ARHGAP28: variants seen among roughly 807,000 people sequenced by gnomAD.
ARHGAP28 encodes rho GTPase-activating protein 28.
A neutral mutation model predicts 90.7 loss-of-function variants in ARHGAP28; 56 were observed. The observed-to-expected ratio is 0.62, with a 90% CI of 0.50 to 0.77. The LOEUF (loss-of-function observed/expected upper bound fraction) is 0.77. ARHGAP28 is among the 30% of genes least tolerant of loss of function. The probability of loss-of-function intolerance (pLI) is 0.00; values close to 1 mark genes in which losing one functional copy is unlikely to be tolerated. For synonymous variants in ARHGAP28, 308 were observed against 323.3 expected (o/e 0.95, Z 0.51); for missense variants, 869 against 900.9 (o/e 0.96, Z 0.45).
intron 6 of ARHGAP28, among the ~76,000 whole-genome samples, chr18:6,869,309 G>A (rs1406452646): frequency 7.0e-6 from 1 of 142,314 alleles, no homozygotes; most frequent in Non-Finnish European, 1.5e-5. Context: ...CACTCAGGCT[G>A]GAGTGCAGTA....
intron 16 of ARHGAP28, 188 bp downstream of exon 16, chr18:6,896,814 G>GGAA (rs1215871629): frequency 8.2e-6 from 5 of 612,748 alleles, no homozygotes; most frequent in Non-Finnish European, 1.3e-5. Flanking sequence ...AACAACAAAA[G>GGAA]TTGTTTTTCA....
At chr18:6,753,757 G>A (rs904242424) in intron 1 of ARHGAP28, among the ~76,000 whole-genome samples, 1 of 152,170 alleles carries the variant, frequency 6.6e-6, no homozygotes, top group African/African-American at 2.4e-5. Context: ...TGTATGTTCC[G>A]ATTCTCTAGT....
intron 1 of ARHGAP28, chr18:6,791,697 A>G (rs1195804593): frequency 6.6e-6 from 1 of 152,176 alleles, no homozygotes; most frequent in Non-Finnish European, 1.5e-5. Context: ...AACAAAGTAT[A>G]GTTTTCCCTC....
At chr18:6,841,203 C>CTCTCTCTCTCCTCTCT (rs754874496) in intron 3 of ARHGAP28, among the ~76,000 whole-genome samples, 5 of 41,978 alleles carry the variant, frequency 1.2e-4, no homozygotes, top group Admixed American at 5.7e-4. Context: ...CTCTCTCTCT[C>CTCTCTCTCTCCTCTCT]CTCTCCTCTC....
chr18:6,850,707 C>G (rs1311787616), intron 3 of ARHGAP28: 8 of 960,418 alleles, frequency 8.3e-6, no homozygotes, highest in Non-Finnish European at 1.2e-5. Flanking sequence ...CATGATCACA[C>G]TCAGTCTTTT....
chr18:6,838,316 C>T (rs1395179470), intron 3 of ARHGAP28, among the ~76,000 whole-genome samples: 1 of 152,174 alleles, frequency 6.6e-6, no homozygotes, highest in African/African-American at 2.4e-5. Flanking sequence ...ATTATAGTAT[C>T]AATAATGGCA....
At chr18:6,862,522 T>C (rs1003343980) in intron 5 of ARHGAP28, among the ~76,000 whole-genome samples, 3 of 152,238 alleles carry the variant, frequency 2.0e-5, no homozygotes, top group African/African-American at 7.2e-5. Flanking sequence ...ATGCCAACTT[T>C]ATGAGAAGTA....
chr18:6,777,724 C>CAATGAATG (rs899041714), intron 1 of ARHGAP28, among the ~76,000 whole-genome samples: 4 of 151,326 alleles, frequency 2.6e-5, no homozygotes, highest in East Asian at 2.0e-4. Flanking sequence ...GACCCTGTCT[C>CAATGAATG]AATGAATGAA....
rs149216514 is a variant in ARHGAP28, at chr18:6,882,110, A to C, written c.1291-27A>C. ...GGGTCAGGTGGTAAAAGTGCATTGAATACTGACTGTTTTCCTTGATTTACA... is the reference window on the plus strand; with the variant it reads ...GGGTCAGGTGGTAAAAGTGCATTGACTACTGACTGTTTTCCTTGATTTACA... On this transcript the variant is annotated intron_variant, in intron 10 of 17. Transcript: ENST00000383472. 113 of 1,599,746 alleles carry C rather than the reference A, an allele frequency of 7.1e-5. No individual in the cohort carries two copies. In the African/African-American group the frequency reaches 1.3e-3, roughly 18 times the overall value.
chr18:6,891,841 C>T (rs1392420415), intron 14 of ARHGAP28, among the ~76,000 whole-genome samples: 3 of 152,084 alleles, frequency 2.0e-5, no homozygotes, highest in African/African-American at 7.2e-5. Flanking sequence ...GACCCTTCCA[C>T]TTCGGCCTCC....
chr18:6,752,720 A>G (rs1339238080), intron 1 of ARHGAP28, among the ~76,000 whole-genome samples: 1 of 152,114 alleles, frequency 6.6e-6, no homozygotes, highest in East Asian at 1.9e-4. Flanking sequence ...GCTGTGTGAC[A>G]CAGCAGGCTT....
intron 2 of ARHGAP28, among the ~76,000 whole-genome samples, chr18:6,833,945 T>C (rs2056733900): frequency 6.6e-6 from 1 of 152,078 alleles, no homozygotes; most frequent in East Asian, 1.9e-4. Context: ...AGTTAGGGAA[T>C]ATATATGGAG....
In ARHGAP28 at chr18:6,870,696, G is replaced by A; in HGVS notation, c.918G>A (p.Lys306=). The A allele has an allele frequency of 6.2e-7, 1 of 1,610,538 alleles. No individual in the cohort carries two copies. The highest frequency in any genetic ancestry group is 8.5e-7 in the Non-Finnish European group (1 of 1,178,756). ...VTEALKRNKL[K]KSEIKKEDYV... Reference sequence around the variant, plus strand: ...AGGCTCTAAAAAGAAATAAACTTAAGAAATCAGAGATTAAGAAAGAAGACT... The same window carrying A: ...AGGCTCTAAAAAGAAATAAACTTAAAAAATCAGAGATTAAGAAAGAAGACT... Residue 306 remains lysine (K), a synonymous_variant, in exon 7 of 18, where the codon AAG becomes AAA. Coordinates refer to ENST00000383472, the MANE Select transcript of ARHGAP28 (RefSeq NM_001366230.1).
chr18:6,799,975 G>T (rs2056470207), intron 1 of ARHGAP28, among the ~76,000 whole-genome samples: 1 of 152,126 alleles, frequency 6.6e-6, no homozygotes, highest in South Asian at 2.1e-4. Context: ...CTGACAAAGG[G>T]ATGATATCCA....
intron 1 of ARHGAP28, among the ~76,000 whole-genome samples, chr18:6,798,937 G>T (rs960519667): frequency 1.2e-4 from 18 of 152,168 alleles, no homozygotes; most frequent in Non-Finnish European, 8.8e-5. Context: ...CAGACTGAGG[G>T]ATGTCAAAAT....
intron 2 of ARHGAP28, among the ~76,000 whole-genome samples, chr18:6,836,489 G>A (rs1467948528): frequency 3.9e-5 from 6 of 152,142 alleles, no homozygotes; most frequent in African/African-American, 1.4e-4. Flanking sequence ...TGCAGTTCAT[G>A]TAGTGGGTGT....
At chr18:6,820,067 C>T (rs917464022) in intron 1 of ARHGAP28, among the ~76,000 whole-genome samples, 2 of 152,076 alleles carry the variant, frequency 1.3e-5, no homozygotes. Flanking sequence ...AGCAACTGGT[C>T]GTTTTTATAT....
intron 2 of ARHGAP28, among the ~76,000 whole-genome samples, chr18:6,828,266 A>G (rs938755223): frequency 3.3e-5 from 5 of 152,284 alleles, no homozygotes; most frequent in African/African-American, 1.2e-4. Context: ...CAGGAGAATC[A>G]GGCAGGGAGG....
intron 4 of ARHGAP28, among the ~76,000 whole-genome samples, chr18:6,857,589 T>C (rs2056963776): frequency 6.6e-6 from 1 of 152,148 alleles, no homozygotes; most frequent in South Asian, 2.1e-4. Flanking sequence ...CTTCTGACCA[T>C]GACTATCAAT....
Sources: gnomAD v4.1 joint callset for allele counts (sites outside exome capture counted in the v4.1 genomes callset) on GRCh38, gnomAD v4.1.1 for gene constraint, MANE v1.5 for transcripts, NCBI Gene and HGNC (gene_info 2026-07-23, HGNC 2026-07-21) for gene names.